Variants in CRKL observed in about 807,000 individuals in gnomAD.
CRKL encodes CRK like proto-oncogene, adaptor protein, also known as crk-like protein.
In CRKL, 3 loss-of-function variants were observed where a neutral mutation model predicts 23.0. The observed-to-expected ratio is 0.13, with a 90% CI of 0.06 to 0.34. CRKL has a LOEUF of 0.34. Ranked by LOEUF, CRKL falls within the 10% of genes least tolerant of loss-of-function variation. CRKL has a pLI of 1.00. For synonymous variants in CRKL, 188 were observed against 160.7 expected, an observed-to-expected ratio of 1.17 and a Z score of -1.28; for missense variants, 256 against 394.5, an observed-to-expected ratio of 0.65 and a Z score of 2.97.
chr22:20,937,022 A>G (rs1420541860), intron 2 of CRKL, among the ~76,000 whole-genome samples: 1 of 151,824 alleles, frequency 6.6e-6, no homozygotes, highest in Non-Finnish European at 1.5e-5. Flanking sequence ...CACCATACCC[A>G]ACTGTTTTTA....
chr22:20,946,332 C>G (rs1922052314), intron 2 of CRKL, among the ~76,000 whole-genome samples: 1 of 152,132 alleles, frequency 6.6e-6, no homozygotes, highest in Admixed American at 6.6e-5. Flanking sequence ...CTATTGCCAG[C>G]AGCAAGAGGT....
chr22:20,949,947 C>G lies in CRKL; in HGVS notation c.*102C>G, dbSNP rs1237242957. 6 of 1,446,788 alleles carry G rather than the reference C, an allele frequency of 4.1e-6. No individual in the cohort carries two copies. In the South Asian group the frequency reaches 8.6e-5, roughly 21 times the overall value. 89.6% of individuals were successfully genotyped at this position (1,446,788 alleles called of 1,614,324 possible). On this transcript the variant is annotated 3_prime_UTR_variant, in exon 3 of 3. Coordinates refer to ENST00000354336, the MANE Select transcript of CRKL (RefSeq NM_005207.4). ...TCATAGGCAAGTCACACTGCATTGC[C>G]GAAGTCCAGCTTTCTGCAGACTGGC...
At chr22:20,944,036 A>G (rs915570793) in intron 2 of CRKL, among the ~76,000 whole-genome samples, 3 of 151,184 alleles carry the variant, frequency 2.0e-5, no homozygotes, top group African/African-American at 2.4e-5. Context: ...TCGCAATTCT[A>G]TATGAATTTG....
In CRKL at chr22:20,950,049, C is replaced by T. The variant is rs1922208676; in HGVS notation, c.*204C>T. 3 of 586,616 alleles carry T rather than the reference C, an allele frequency of 5.1e-6. No homozygotes were observed. The highest frequency in any genetic ancestry group is 8.4e-6 in the Non-Finnish European group (3 of 358,582). The allele number at this position is 586,616 out of a possible 1,614,324, so 36.3% of individuals were successfully genotyped here. On this transcript the variant is annotated 3_prime_UTR_variant, in exon 3 of 3. Coordinates refer to ENST00000354336, the MANE Select transcript of CRKL (RefSeq NM_005207.4). ...TCATAGTCGTATTGTCAAAGAGTAGCCGATTTTAGAGTTCTTTTGGATCAT... is the reference window on the plus strand; with the variant it reads ...TCATAGTCGTATTGTCAAAGAGTAGTCGATTTTAGAGTTCTTTTGGATCAT...
Position 20,953,727 on chromosome 22 carries a change from C to G in CRKL, c.*3882C>G, listed in dbSNP as rs927827080. On this transcript the variant is annotated 3_prime_UTR_variant, in exon 3 of 3. Coordinates refer to ENST00000354336, the MANE Select transcript of CRKL (RefSeq NM_005207.4). ...TTGTATATTGTCTCAATAAAACTTG[C>G]ATCAGCCGGTGGTGGCGGCAGCTTC... The G allele has an allele frequency of 2.2e-5, 4 of 185,184 alleles. No homozygotes were observed. Among genetic ancestry groups the G allele is most frequent in the Non-Finnish European group, 4.6e-5 (4 of 87,356 alleles). The allele number at this position is 185,184 out of a possible 1,614,324, so 11.5% of individuals were successfully genotyped here. A position where few individuals can be genotyped will look rare whatever the true frequency, so the allele number is the denominator to read the frequency against.
chr22:20,920,506 A>G (rs148317369), intron 1 of CRKL, among the ~76,000 whole-genome samples: 2 of 152,064 alleles, frequency 1.3e-5, no homozygotes, highest in East Asian at 1.9e-4. Flanking sequence ...CTCAAAAAAA[A>G]AAAAGGAAAA....
At chr22:20,947,251 T>C (rs993374190) in intron 2 of CRKL, among the ~76,000 whole-genome samples, 23 of 152,050 alleles carry the variant, frequency 1.5e-4, no homozygotes, top group Middle Eastern at 6.8e-3. Context: ...CTTTTTTTTT[T>C]TTTTCAATAG....
chr22:20,930,153 A>G (rs1265821329), intron 1 of CRKL, among the ~76,000 whole-genome samples: 1 of 152,122 alleles, frequency 6.6e-6, no homozygotes, highest in Non-Finnish European at 1.5e-5. Flanking sequence ...TCTTTATCAA[A>G]TTTCTACACA....
In CRKL at chr22:20,952,598, C is replaced by G; in HGVS notation, c.*2753C>G. 2 of 232,788 alleles carry G rather than the reference C, an allele frequency of 8.6e-6. No individual in the cohort carries two copies. The highest frequency in any genetic ancestry group is 1.7e-5 in the Non-Finnish European group (2 of 117,662). The allele number at this position is 232,788 out of a possible 1,614,324, so 14.4% of individuals were successfully genotyped here. A position where few individuals can be genotyped will look rare whatever the true frequency, so the allele number is the denominator to read the frequency against. The stretch of plus-strand genomic sequence containing the variant: ...CTTCGTGCCTGGGTTCCCCACTGGT[C>G]TGGGAAGACTGTTGTGCTCCATAGA... On this transcript the variant is annotated 3_prime_UTR_variant, in exon 3 of 3. Transcript: ENST00000354336.
intron 1 of CRKL, among the ~76,000 whole-genome samples, chr22:20,931,036 G>A (rs1466286255): frequency 6.6e-6 from 1 of 152,056 alleles, no homozygotes; most frequent in Non-Finnish European, 1.5e-5. Context: ...GTCTAAGGTG[G>A]AACTGACTGT....
chr22:20,917,939 C>T lies in CRKL; in HGVS notation c.5C>T (p.Ser2Phe), dbSNP rs745921293. MSSARFDSSDRS... is the reference protein window; with the variant it reads MFSARFDSSDRS... ...CAGAGTCCCCGGTCCAACACCATGTCCTCCGCCAGGTTCGACTCCTCGGAC... is the reference window on the plus strand; with the variant it reads ...CAGAGTCCCCGGTCCAACACCATGTTCTCCGCCAGGTTCGACTCCTCGGAC... Residue 2 changes from serine to phenylalanine, a missense_variant, in exon 1 of 3, where the codon TCC (serine) becomes TTC (phenylalanine). Ser to Phe is a radical substitution (Grantham distance 155, BLOSUM62 -2). This residue lies in a region of CRKL where 85 missense variants were observed against 139.8 expected (regional missense o/e 0.61). Coordinates refer to ENST00000354336, the MANE Select transcript of CRKL (RefSeq NM_005207.4). 18 of 1,613,218 alleles carry T rather than the reference C, an allele frequency of 1.1e-5. No homozygotes were observed. The highest frequency in any genetic ancestry group is 5.0e-5 in the Admixed American group (3 of 59,928).
rs1310229489 is a variant in CRKL at position 20,946,685 on chromosome 22, A to G, written c.778-3026A>G. 6.0e-5 allele frequency among the ~76,000 whole-genome samples: 9 copies of G among 150,500 alleles called. No homozygotes were observed. In the South Asian group the frequency reaches 1.1e-3, roughly 18 times the overall value. On this transcript the variant is annotated intron_variant, in intron 2 of 2. Transcript: ENST00000354336. ...GGGATCATTTCTATAGTTCATTACT[A>G]GAGAAGTTTCTCTGAAGGTGTAGAG...
In CRKL at chr22:20,950,923, G is replaced by C; in HGVS notation, c.*1078G>C. ...AGACAACACACAAAATAATGCAGTT[G>C]TGGTGTGCCATGCTATGTGCACAGC... On this transcript the variant is annotated 3_prime_UTR_variant, in exon 3 of 3. Transcript: ENST00000354336. 4.3e-6 allele frequency: 1 copy of C among 232,288 alleles called. No individual in the cohort carries two copies. Among genetic ancestry groups the C allele is most frequent in the Non-Finnish European group, 8.5e-6 (1 of 117,470 alleles). 14.4% of individuals were successfully genotyped at this position (232,288 alleles called of 1,614,324 possible).
chr22:20,934,315 T>G lies in CRKL; in HGVS notation c.777+71T>G, dbSNP rs577779356. 93 of 1,326,366 alleles carry G rather than the reference T, an allele frequency of 7.0e-5. No individual in the cohort carries two copies. The Middle Eastern group carries it at 1.4e-3, about 19-fold the overall frequency. The allele number at this position is 1,326,366 out of a possible 1,614,324, so 82.2% of individuals were successfully genotyped here. The stretch of plus-strand genomic sequence containing the variant: ...TTTAATTTTTAGTTTTAGTTTAGTT[T>G]CTGCTCATTTAAGCTTATATTCATG... On this transcript the variant is annotated intron_variant, in intron 2 of 2. Coordinates refer to ENST00000354336, the MANE Select transcript of CRKL (RefSeq NM_005207.4).
chr22:20,936,417 C>T (rs1166373616), intron 2 of CRKL, among the ~76,000 whole-genome samples: 4 of 151,918 alleles, frequency 2.6e-5, no homozygotes, highest in African/African-American at 9.7e-5. Flanking sequence ...GGCACGATCT[C>T]GGTTCACTGC....
chr22:20,920,232 G>A (rs1920976491), intron 1 of CRKL, among the ~76,000 whole-genome samples: 1 of 152,168 alleles, frequency 6.6e-6, no homozygotes, highest in Non-Finnish European at 1.5e-5. Context: ...GGCGGGTGTG[G>A]TAGCTCACGC....
intron 2 of CRKL, among the ~76,000 whole-genome samples, chr22:20,943,091 T>A (rs1921936182): frequency 6.6e-6 from 1 of 152,172 alleles, no homozygotes; most frequent in South Asian, 2.1e-4. Flanking sequence ...TGTGAAGTGG[T>A]ATGTCATTGT....
intron 2 of CRKL, among the ~76,000 whole-genome samples, chr22:20,947,080 GTC>G (rs1922087512): frequency 6.6e-6 from 1 of 152,190 alleles, no homozygotes; most frequent in South Asian, 2.1e-4. Flanking sequence ...GCCACCAGAA[GTC>G]TCTCAGCCAT....
chr22:20,950,814 A>AGGAATT lies in CRKL; in HGVS notation c.*969_*970insGGAATT, dbSNP rs1922247977. ...GAGCTTCTAAACTGAAGCTGCTGTA[A>AGGAATT]CTAAAGGAATCTGAAAAGAACAACC... On this transcript the variant is annotated 3_prime_UTR_variant, in exon 3 of 3. Coordinates refer to ENST00000354336, the MANE Select transcript of CRKL (RefSeq NM_005207.4). The AGGAATT allele has an allele frequency of 4.4e-6, 1 of 229,710 alleles. No homozygotes were observed. The highest frequency in any genetic ancestry group is 8.6e-6 in the Non-Finnish European group (1 of 115,868). The allele number at this position is 229,710 out of a possible 1,614,324, so 14.2% of individuals were successfully genotyped here. A position where few individuals can be genotyped will look rare whatever the true frequency, so the allele number is the denominator to read the frequency against.
Sources: gnomAD v4.1 joint callset for allele counts (sites outside exome capture counted in the v4.1 genomes callset) on GRCh38, gnomAD v4.1.1 for gene constraint, gnomAD v4.1.1 regional missense constraint, MANE v1.5 for transcripts, NCBI Gene and HGNC (gene_info 2026-07-23, HGNC 2026-07-21) for gene names.